The following COL1A1 variants were observed in gnomAD, a reference collection of about 807,000 sequenced individuals.
The protein encoded by COL1A1 is collagen alpha-1(I) chain.
In COL1A1, 21 loss-of-function variants were observed where a neutral mutation model predicts 195.7. The ratio of observed to expected loss-of-function variants is 0.11; its 90% CI spans 0.08 to 0.15. The LOEUF is 0.15. COL1A1 is among the 10% of genes least tolerant of loss of function. COL1A1 has a pLI of 1.00. For missense variants in COL1A1, 1,365 were observed against 2,051.0 expected (o/e 0.67, Z 6.46); for synonymous variants, 749 against 747.3 (o/e 1.00, Z -0.04).
chr17:50,201,325 A>C (rs992592946), intron 1 of COL1A1, 86 bp downstream of exon 1: 53 of 1,203,750 alleles, frequency 4.4e-5, no homozygotes, highest in Non-Finnish European at 6.0e-5. Context: ...CGGATCATCC[A>C]CGTCTCGTTT....
Position 50,190,995 on chromosome 17 carries a change from C to A in COL1A1, c.2236-71G>T. On this transcript the variant is annotated intron_variant, in intron 32 of 50. Coordinates refer to ENST00000225964, the MANE Select transcript of COL1A1 (RefSeq NM_000088.4). The surrounding 1 kb of genome is among the most constrained non-coding windows in gnomAD (Gnocchi z 4.7). ...GTGACCTATAGTGTTCTGCTTGTGT[C>A]TGGGTTTCCTGAGAGGCCCTCTGCA... is the stretch of plus-strand genomic sequence containing the variant. 6.9e-7 allele frequency: 1 copy of A among 1,446,604 alleles called. No individual in the cohort carries two copies. 89.6% of individuals were successfully genotyped at this position (1,446,604 alleles called of 1,614,324 possible). A position where few individuals can be genotyped will look rare whatever the true frequency, so the allele number is the denominator to read the frequency against.
At position 50,196,995 on chromosome 17, in the gene COL1A1, T is replaced by G. The variant is rs148110802; in HGVS notation, c.804+15A>C. ...TAGGGACTTGGGGAGCTTAAATGAC[T>G]CAAAGGTGACTCACTCTGTGTCCCT... On this transcript the variant is annotated intron_variant, in intron 11 of 50. Transcript: ENST00000225964. 47 of 1,613,888 alleles carry G rather than the reference T, an allele frequency of 2.9e-5. No homozygotes were observed. The East Asian group carries it at 1.0e-3, about 36-fold the overall frequency.
chr17:50,186,362 G>A lies in COL1A1; in HGVS notation c.3960C>T (p.Asp1320=). 1 of 1,614,238 alleles carries A rather than the reference G, an allele frequency of 6.2e-7. No homozygotes were observed. Among genetic ancestry groups the A allele is most frequent in the Non-Finnish European group, 8.5e-7 (1 of 1,180,054 alleles). Residue 1320 remains aspartate (D), a synonymous_variant, in exon 49 of 51, where the codon GAC becomes GAT. Transcript: ENST00000225964. This position sits in a 1 kb window ranked among gnomAD's most constrained non-coding sequence, Gnocchi z 5.3. ...KNWYISKNPK[D]KRHVWFGESM... is the part of the protein sequence containing the mutation. ...TCTCGCCGAACCAGACATGCCTCTT[G>A]TCCTTGGGGTTCTTGCTGATGTACC...
chr17:50,200,027 C>G, intron 1 of COL1A1, 80 bp from the exon 2 acceptor site: 1 of 1,465,208 alleles, frequency 6.8e-7, no homozygotes, highest in East Asian at 2.3e-5. Context: ...GTCTAAGAGG[C>G]ACACTTGGAT....
At position 50,199,569 on chromosome 17, in the gene COL1A1, G is replaced by T; in HGVS notation, c.320C>A (p.Thr107Asn). ...DGSESPTDQE[T>N]TGVEGPKGDT... ...GCAGGAGATTACCTCGACGCCGGTG[G>T]TTTCTTGGTCGGTGGGTGACTCTAG... is the stretch of plus-strand genomic sequence containing the variant. The change falls in exon 3 of 51, where the codon ACC becomes AAC. Residue 107 changes from threonine (T) to asparagine (N), a missense_variant. Thr to Asn is a moderately conservative substitution (Grantham distance 65). Coordinates refer to ENST00000225964, the MANE Select transcript of COL1A1 (RefSeq NM_000088.4). 6.2e-7 allele frequency: 1 copy of T among 1,614,192 alleles called. No homozygotes were observed. Among genetic ancestry groups the T allele is most frequent in the Non-Finnish European group, 8.5e-7 (1 of 1,180,006 alleles).
chr17:50,197,222 T>A lies in COL1A1; in HGVS notation c.708A>T (p.Gly236=). The A allele has an allele frequency of 6.2e-7, 1 of 1,612,980 alleles. No homozygotes were observed. Among genetic ancestry groups the A allele is most frequent in the African/African-American group, 1.3e-5 (1 of 74,996 alleles). ...PGKNGDDGEA[G]KPGRPGERGP... ...CACGCTCACCAGGACGACCAGGTTT[T>A]CCAGCTTCCCCCTGAGAGGGAGAGA... Residue 236 remains glycine, a synonymous_variant, in exon 10 of 51, where the codon GGA becomes GGT. Transcript: ENST00000225964.
intron 12 of COL1A1, 40 bp from the exon 13 acceptor site, chr17:50,196,568 G>A: frequency 6.2e-7 from 1 of 1,614,054 alleles, no homozygotes; most frequent in Non-Finnish European, 8.5e-7. Context: ...TTCATTCATG[G>A]TGGGACTCTG....
chr17:50,192,334 G>A (rs1907172745), intron 29 of COL1A1, 141 bp downstream of exon 29: 3 of 979,888 alleles, frequency 3.1e-6, no homozygotes, highest in South Asian at 2.8e-5. Context: ...CCTCTGTGCT[G>A]CTCCCTTCAT....
intron 1 of COL1A1, 95 bp downstream of exon 1, chr17:50,201,316 G>A: frequency 3.5e-6 from 4 of 1,137,752 alleles, no homozygotes; most frequent in East Asian, 2.5e-5. Context: ...CCGAGTCTCC[G>A]GATCATCCAC....
chr17:50,195,368 C>T lies in COL1A1; in HGVS notation c.1201-38G>A, dbSNP rs200467035. 1 of 1,613,738 alleles carries T rather than the reference C, an allele frequency of 6.2e-7. No individual in the cohort carries two copies. The highest frequency in any genetic ancestry group is 2.2e-5 in the East Asian group (1 of 44,854). On this transcript the variant is annotated intron_variant, in intron 18 of 50. Transcript: ENST00000225964. This position sits in a 1 kb window ranked among gnomAD's most constrained non-coding sequence, Gnocchi z 4.3. Reference sequence around the variant, plus strand: ...GACAGCCAGGGCGTGAGCCTAGGAGCAGAGGGAAAGGGGCAGGCAGGCTGC... The same window carrying T: ...GACAGCCAGGGCGTGAGCCTAGGAGTAGAGGGAAAGGGGCAGGCAGGCTGC...
chr17:50,192,660 C>T lies in COL1A1; in HGVS notation c.1909G>A (p.Ala637Thr). The T allele has an allele frequency of 6.2e-7, 1 of 1,614,230 alleles. No homozygotes were observed. Among genetic ancestry groups the T allele is most frequent in the Non-Finnish European group, 8.5e-7 (1 of 1,180,034 alleles). The change falls in exon 28 of 51, where the codon GCT becomes ACT. Residue 637 changes from alanine (A) to threonine (T), a missense_variant. Physicochemically the swap from Ala to Thr is moderately conservative, Grantham distance 58 (BLOSUM62 0). Around this residue, in one of 5 missense-constraint regions of COL1A1, gnomAD observed 671 missense variants for 1,099.9 expected, o/e 0.61. Coordinates refer to ENST00000225964, the MANE Select transcript of COL1A1 (RefSeq NM_000088.4). Reference sequence around the variant, plus strand: ...CTCACCTGGAATCCGGGGGAGCCAGCAGGGCCTTGTTCACCTCTCTCGCCA... The same window carrying T: ...CTCACCTGGAATCCGGGGGAGCCAGTAGGGCCTTGTTCACCTCTCTCGCCA... Reference protein sequence around the residue: ...PAGERGEQGPAGSPGFQGLPG... With the variant: ...PAGERGEQGPTGSPGFQGLPG...
At chr17:50,198,704 A>G in intron 5 of COL1A1, 200 bp from the exon 6 acceptor site, 1 of 613,984 alleles carries the variant, frequency 1.6e-6, no homozygotes, top group South Asian at 1.9e-5. Context: ...ACAGTCTGCA[A>G]AACAACTGGA....
In COL1A1 at chr17:50,186,590, C is replaced by A; in HGVS notation, c.3814+50G>T. The A allele has an allele frequency of 6.2e-7, 1 of 1,613,606 alleles. No individual in the cohort carries two copies. Among genetic ancestry groups the A allele is most frequent in the East Asian group, 2.2e-5 (1 of 44,862 alleles). ...TAGGGGCACATATGGGCATGGGGACCCTGGCATGGCAGGAGTAGGAGGGAG... is the reference window on the plus strand; with the variant it reads ...TAGGGGCACATATGGGCATGGGGACACTGGCATGGCAGGAGTAGGAGGGAG... On this transcript the variant is annotated intron_variant, in intron 48 of 50. Coordinates refer to ENST00000225964, the MANE Select transcript of COL1A1 (RefSeq NM_000088.4). This position sits in a 1 kb window ranked among gnomAD's most constrained non-coding sequence, Gnocchi z 5.3.
At position 50,186,829 on chromosome 17, in the gene COL1A1, C is replaced by A. The variant is rs1598285639; in HGVS notation, c.3625G>T (p.Ala1209Ser). Residue 1209 changes from alanine (A) to serine (S), a missense_variant, in exon 48 of 51, where the codon GCT becomes TCT. By Grantham distance (99) the Ala-to-Ser change is moderately conservative. Coordinates refer to ENST00000225964, the MANE Select transcript of COL1A1 (RefSeq NM_000088.4). This position sits in a 1 kb window ranked among gnomAD's most constrained non-coding sequence, Gnocchi z 5.3. ...CGGTAGTAGCGGCCACCATCGTGAGCCTTCTCTTGAGGTGGCTGGGGCAGG... is the reference window on the plus strand; with the variant it reads ...CGGTAGTAGCGGCCACCATCGTGAGACTTCTCTTGAGGTGGCTGGGGCAGG... ...SFLPQPPQEK[A>S]HDGGRYYRAD... 2 of 1,614,132 alleles carry A rather than the reference C, an allele frequency of 1.2e-6. No individual in the cohort carries two copies. The highest frequency in any genetic ancestry group is 1.7e-6 in the Non-Finnish European group (2 of 1,180,044).
At position 50,184,872 on chromosome 17, in the gene COL1A1, G is replaced by A. The variant is rs1203314540; in HGVS notation, c.*630C>T. ...CCAGTGAGGGGCTGGTGGCTCCCCC[G>A]GCATGACCCCCTCAAAAACGAAGGG... On this transcript the variant is annotated 3_prime_UTR_variant, in exon 51 of 51. Transcript: ENST00000225964. 8.7e-6 allele frequency: 2 copies of A among 229,884 alleles called. No individual in the cohort carries two copies. Among genetic ancestry groups the A allele is most frequent in the Admixed American group, 5.7e-5 (1 of 17,656 alleles). The allele number at this position is 229,884 out of a possible 1,614,324, so 14.2% of individuals were successfully genotyped here.
intron 26 of COL1A1, 64 bp from the exon 27 acceptor site, chr17:50,192,914 C>T: frequency 6.2e-7 from 1 of 1,613,232 alleles, no homozygotes; most frequent in Non-Finnish European, 8.5e-7. Context: ...GGACCGTGGC[C>T]TCTAGCACCC....
chr17:50,201,527 A>G lies in COL1A1; in HGVS notation c.-14T>C, dbSNP rs1462355902. 9 of 1,606,256 alleles carry G rather than the reference A, an allele frequency of 5.6e-6. No homozygotes were observed. Among genetic ancestry groups the G allele is most frequent in the Non-Finnish European group, 7.6e-6 (9 of 1,177,426 alleles). ...AAAGCTGAACATGTCTAGACCCTAG[A>G]CATGTAGACTCTTTGTGGCTGGGGA... On this transcript the variant is annotated 5_prime_UTR_variant, in exon 1 of 51. Transcript: ENST00000225964.
chr17:50,189,065 C>A lies in COL1A1; in HGVS notation c.2938-55G>T. ...ATAGGGTCTGGGAGGACCCTTGAGT[C>A]CGCTGGAGTCATCTCTACCAAATCT... On this transcript the variant is annotated intron_variant, in intron 40 of 50. Transcript: ENST00000225964. The surrounding 1 kb of genome is among the most constrained non-coding windows in gnomAD (Gnocchi z 5.5). The A allele has an allele frequency of 6.4e-7, 1 of 1,570,142 alleles. No homozygotes were observed. Among genetic ancestry groups the A allele is most frequent in the East Asian group, 2.2e-5 (1 of 44,640 alleles).
Position 50,199,783 on chromosome 17 carries a change from C to T in COL1A1, c.268G>A (p.Glu90Lys), listed in dbSNP as rs748550422. 6.2e-7 allele frequency: 1 copy of T among 1,613,568 alleles called. No individual in the cohort carries two copies. Among genetic ancestry groups the T allele is most frequent in the Non-Finnish European group, 8.5e-7 (1 of 1,179,976 alleles). The change falls in exon 2 of 51, where the codon GAG becomes AAG. Residue 90 changes from glutamate to lysine, a missense_variant. Physicochemically the swap from Glu to Lys is moderately conservative, Grantham distance 56 (BLOSUM62 1). Transcript: ENST00000225964. ...NCPGAEVPEG[E>K]CCPVCPDGSE... ...CCGTCGGGGCAGACGGGACAGCACT[C>T]GCCCTCGGGGACTTCGGCGCCGGGG...
Sources: allele counts gnomAD v4.1 joint callset, GRCh38; gene constraint gnomAD v4.1.1; regional missense constraint gnomAD v4.1.1; non-coding constraint Gnocchi (gnomAD v3.1); transcripts MANE v1.5; gene names NCBI Gene and HGNC (gene_info 2026-07-23, HGNC 2026-07-21).